The following ERC2 variants were observed in gnomAD, a reference collection of about 807,000 sequenced individuals.
The protein encoded by ERC2 is ERC protein 2.
In ERC2, 42 loss-of-function variants were observed where a neutral mutation model predicts 114.8. The ratio of observed to expected loss-of-function variants is 0.37; its 90% CI spans 0.29 to 0.47. ERC2 has a LOEUF of 0.47. Among genes scored for constraint, ERC2 ranks in the 20% least tolerant of loss-of-function variants. ERC2 has a pLI of 0.99. For missense variants in ERC2, 939 were observed against 1,150.7 expected (o/e 0.82, Z 2.66); for synonymous variants, 454 against 425.5 (o/e 1.07, Z -0.82).
chr3:56,296,837 A>G (rs1184234459), intron 2 of ERC2, among the ~76,000 whole-genome samples: 1 of 152,246 alleles, frequency 6.6e-6, no homozygotes, highest in East Asian at 1.9e-4. Context: ...TCTTTATTGT[A>G]CTATCCATTA....
At chr3:55,916,439 G>T (rs2065096588) in intron 13 of ERC2, among the ~76,000 whole-genome samples, 1 of 152,126 alleles carries the variant, frequency 6.6e-6, no homozygotes, top group Admixed American at 6.5e-5. Flanking sequence ...TCCAGTTGGT[G>T]TCAAATCACA....
intron 15 of ERC2, among the ~76,000 whole-genome samples, chr3:55,721,441 C>G (rs973247540): frequency 2.6e-5 from 4 of 152,256 alleles, no homozygotes; most frequent in Non-Finnish European, 4.4e-5. Context: ...AAGGCCTTGT[C>G]ATAGATCAAG....
chr3:55,597,788 A>G (rs561745082), intron 17 of ERC2, among the ~76,000 whole-genome samples: 15 of 152,232 alleles, frequency 9.9e-5, no homozygotes, highest in Non-Finnish European at 2.2e-4. Context: ...TTGGCACCCT[A>G]CAGTGACCCT....
chr3:55,633,545 A>C (rs1393846845), intron 17 of ERC2, among the ~76,000 whole-genome samples: 2 of 152,186 alleles, frequency 1.3e-5, no homozygotes, highest in African/African-American at 4.8e-5. Flanking sequence ...CCTTATTTCA[A>C]GGGCCTGGCA....
At chr3:55,902,389 A>T (rs11926232) in intron 13 of ERC2, among the ~76,000 whole-genome samples, 5 of 152,012 alleles carry the variant, frequency 3.3e-5, no homozygotes, top group African/African-American at 1.2e-4. Flanking sequence ...CTCGGCGATT[A>T]CTGCGACATG....
chr3:55,528,800 C>T (rs553260582), intron 17 of ERC2, among the ~76,000 whole-genome samples: 4 of 139,326 alleles, frequency 2.9e-5, no homozygotes, highest in Non-Finnish European at 6.2e-5. Context: ...TAGCAACATC[C>T]CTGGCCTCCA....
At chr3:56,464,947 C>G (rs2063477500) in intron 1 of ERC2, among the ~76,000 whole-genome samples, 1 of 151,952 alleles carries the variant, frequency 6.6e-6, no homozygotes, top group Admixed American at 6.6e-5. Context: ...GTACAAAAGT[C>G]AACCTAACCA....
At chr3:56,179,168 T>G (rs1276558014) in intron 3 of ERC2, among the ~76,000 whole-genome samples, 1 of 152,112 alleles carries the variant, frequency 6.6e-6, no homozygotes, top group Non-Finnish European at 1.5e-5. Context: ...CATAGACCAC[T>G]GACTGGACAA....
chr3:56,212,634 A>G (rs1463651465), intron 3 of ERC2, among the ~76,000 whole-genome samples: 1 of 152,220 alleles, frequency 6.6e-6, no homozygotes, highest in African/African-American at 2.4e-5. Flanking sequence ...AAGTCATTAC[A>G]TGAAAAAGAT....
chr3:56,285,665 G>A (rs906900308), intron 3 of ERC2, among the ~76,000 whole-genome samples: 8 of 152,220 alleles, frequency 5.3e-5, no homozygotes, highest in Non-Finnish European at 1.0e-4. Flanking sequence ...TTCTGGCTTA[G>A]CTGAGTAAGA....
chr3:56,394,353 G>A (rs1397428954), intron 2 of ERC2, among the ~76,000 whole-genome samples: 2 of 152,042 alleles, frequency 1.3e-5, no homozygotes, highest in Non-Finnish European at 1.5e-5. Context: ...CTGTTTTATA[G>A]GTAACTCCAG....
At chr3:55,904,409 G>A (rs138792817) in intron 13 of ERC2, among the ~76,000 whole-genome samples, 25 of 152,222 alleles carry the variant, frequency 1.6e-4, no homozygotes, top group Admixed American at 3.3e-4. Flanking sequence ...TATAATATTC[G>A]CTGATGTGAC....
chr3:55,638,777 C>G (rs1365612643), intron 17 of ERC2, among the ~76,000 whole-genome samples: 1 of 152,206 alleles, frequency 6.6e-6, no homozygotes, highest in Non-Finnish European at 1.5e-5. Context: ...TAATCACTAC[C>G]ACTTTGTTCT....
At chr3:56,221,858 C>G (rs1223451191) in intron 3 of ERC2, among the ~76,000 whole-genome samples, 3 of 151,944 alleles carry the variant, frequency 2.0e-5, no homozygotes, top group Admixed American at 2.0e-4. Context: ...GATCGTGCCA[C>G]TGCACTCCAG....
At chr3:55,573,798 C>T (rs146933267) in intron 17 of ERC2, among the ~76,000 whole-genome samples, 235 of 152,194 alleles carry the variant, frequency 1.5e-3, no homozygotes, top group Non-Finnish European at 2.7e-3. Flanking sequence ...TCTGTCAACA[C>T]ACTTTTCTGG....
intron 17 of ERC2, among the ~76,000 whole-genome samples, chr3:55,588,377 G>A (rs1057497692): frequency 2.6e-5 from 4 of 152,092 alleles, no homozygotes; most frequent in Non-Finnish European, 4.4e-5. Context: ...TCCAAGAGAA[G>A]GAACAACATC....
At chr3:56,450,401 C>T (rs2062776800) in intron 1 of ERC2, among the ~76,000 whole-genome samples, 2 of 152,160 alleles carry the variant, frequency 1.3e-5, no homozygotes, top group Admixed American at 1.3e-4. Context: ...TTCCATTAAC[C>T]ATTTCCATTA....
chr3:55,594,781 GC>G (rs1459464206), intron 17 of ERC2, among the ~76,000 whole-genome samples: 1 of 152,108 alleles, frequency 6.6e-6, no homozygotes, highest in Non-Finnish European at 1.5e-5. Flanking sequence ...ACTGCGCCTG[GC>G]CAGTCAGGTA....
At chr3:55,595,477 T>A (rs1209693731) in intron 17 of ERC2, among the ~76,000 whole-genome samples, 1 of 152,156 alleles carries the variant, frequency 6.6e-6, no homozygotes, top group African/African-American at 2.4e-5. Flanking sequence ...AGGTGTAAAA[T>A]CCCTCTTACA....
Sources: allele counts gnomAD v4.1 joint callset (sites outside exome capture counted in the v4.1 genomes callset), GRCh38; gene constraint gnomAD v4.1.1; transcripts MANE v1.5; gene names NCBI Gene and HGNC (gene_info 2026-07-23, HGNC 2026-07-21).